Variants in KCNIP4 observed in about 807,000 individuals in gnomAD.
KCNIP4 encodes the protein potassium voltage-gated channel interacting protein 4.
KCNIP4 carries 12 observed loss-of-function variants against 34.0 expected under a neutral mutation model. That is an observed-to-expected ratio of 0.35 (90% confidence interval 0.23 to 0.57). KCNIP4 has a LOEUF of 0.57. KCNIP4 is among the 20% of genes least tolerant of loss of function. KCNIP4 has a pLI of 0.83. For missense variants in KCNIP4, 238 were observed against 311.7 expected, an observed-to-expected ratio of 0.76 and a Z score of 1.78; for synonymous variants, 124 against 102.2, an observed-to-expected ratio of 1.21 and a Z score of -1.29.
At chr4:21,894,563 T>C (rs975792) in intron 1 of KCNIP4, among the ~76,000 whole-genome samples, 50,218 of 152,030 alleles carry the variant, frequency 0.33, 10,158 homozygotes, top group East Asian at 0.61. Context: ...AGAGATAATA[T>C]GTCATTTTCC....
intron 3 of KCNIP4, among the ~76,000 whole-genome samples, chr4:20,800,876 T>G (rs886102256): frequency 6.6e-6 from 1 of 152,206 alleles, no homozygotes; most frequent in African/African-American, 2.4e-5. Context: ...TTTAATAAAA[T>G]AGTGGCTGAC....
chr4:21,700,366 C>T (rs4256212), intron 1 of KCNIP4, among the ~76,000 whole-genome samples: 93,036 of 152,002 alleles, frequency 0.61, 29,299 homozygotes, highest in African/African-American at 0.69. Flanking sequence ...CAGGAACTTG[C>T]GGGTCATTTG....
At chr4:20,989,870 G>A (rs2149704451) in intron 1 of KCNIP4, among the ~76,000 whole-genome samples, 1 of 152,280 alleles carries the variant, frequency 6.6e-6, no homozygotes, top group East Asian at 1.9e-4. Flanking sequence ...TTGGGGAGCT[G>A]AGGTGGGAGG....
intron 1 of KCNIP4, among the ~76,000 whole-genome samples, chr4:21,799,864 C>A (rs2109250684): frequency 6.6e-6 from 1 of 152,240 alleles, no homozygotes; most frequent in East Asian, 1.9e-4. Context: ...CTTTTTAGAA[C>A]AAACCACATC....
intron 1 of KCNIP4, among the ~76,000 whole-genome samples, chr4:21,319,796 G>T (rs1411140990): frequency 6.6e-6 from 1 of 152,090 alleles, no homozygotes; most frequent in Admixed American, 6.6e-5. Flanking sequence ...ATCCTTTAGG[G>T]TGTGTTTTTG....
At chr4:21,294,964 C>T (rs1440646723) in intron 1 of KCNIP4, among the ~76,000 whole-genome samples, 1 of 152,030 alleles carries the variant, frequency 6.6e-6, no homozygotes, top group Non-Finnish European at 1.5e-5. Context: ...ACCTTTTTAC[C>T]TCTACTGTCA....
At chr4:21,741,455 A>G (rs868577645) in intron 1 of KCNIP4, among the ~76,000 whole-genome samples, 2 of 152,106 alleles carry the variant, frequency 1.3e-5, no homozygotes, top group South Asian at 2.1e-4. Flanking sequence ...ATCTGCTTCT[A>G]TTCCCCAAGG....
chr4:21,103,795 T>A (rs905998645), intron 1 of KCNIP4, among the ~76,000 whole-genome samples: 5 of 137,936 alleles, frequency 3.6e-5, no homozygotes, highest in Non-Finnish European at 7.7e-5. Context: ...CCATGTGTTC[T>A]CATTGTTCAA....
chr4:21,934,481 A>G (rs1729739909), intron 1 of KCNIP4, among the ~76,000 whole-genome samples: 1 of 152,116 alleles, frequency 6.6e-6, no homozygotes, highest in African/African-American at 2.4e-5. Flanking sequence ...GTCACAATTA[A>G]AAATAAGATT....
At chr4:21,709,386 T>G (rs1713539218) in intron 1 of KCNIP4, among the ~76,000 whole-genome samples, 1 of 152,208 alleles carries the variant, frequency 6.6e-6, no homozygotes, top group African/African-American at 2.4e-5. Flanking sequence ...AAGGTCAATG[T>G]TGAAGGTCAC....
chr4:21,303,735 C>T (rs1712021740), intron 1 of KCNIP4: 6 of 1,245,322 alleles, frequency 4.8e-6, no homozygotes, highest in South Asian at 3.8e-5. Context: ...TCAGGTGCCT[C>T]TTACATTCAC....
intron 1 of KCNIP4, among the ~76,000 whole-genome samples, chr4:21,343,328 TA>T (rs1283596536): frequency 6.6e-6 from 1 of 151,716 alleles, no homozygotes; most frequent in East Asian, 1.9e-4. Flanking sequence ...AGATACTACT[TA>T]AAAAAGGAAA....
chr4:21,898,203 G>A (rs1269513720), intron 1 of KCNIP4, among the ~76,000 whole-genome samples: 1 of 152,102 alleles, frequency 6.6e-6, no homozygotes, highest in East Asian at 1.9e-4. Context: ...GGCGGTATAG[G>A]CCCCAGTTGC....
intron 1 of KCNIP4, among the ~76,000 whole-genome samples, chr4:21,859,023 A>G (rs1484235370): frequency 6.6e-6 from 1 of 152,232 alleles, no homozygotes; most frequent in Non-Finnish European, 1.5e-5. Flanking sequence ...CCAACCCTCA[A>G]AGCAAAATCA....
At chr4:21,398,419 AATGGT>A (rs1413855532) in intron 1 of KCNIP4, among the ~76,000 whole-genome samples, 2 of 152,206 alleles carry the variant, frequency 1.3e-5, no homozygotes, top group African/African-American at 4.8e-5. Flanking sequence ...ATGTCATTTT[AATGGT>A]ATGGTATGGT....
intron 1 of KCNIP4, among the ~76,000 whole-genome samples, chr4:21,469,061 T>C (rs1730236145): frequency 6.6e-6 from 1 of 152,068 alleles, no homozygotes; most frequent in Admixed American, 6.6e-5. Context: ...TTTATTTATT[T>C]ATGTTATTAT....
At chr4:21,636,147 G>A (rs1303777321) in intron 1 of KCNIP4, among the ~76,000 whole-genome samples, 2 of 121,134 alleles carry the variant, frequency 1.7e-5, no homozygotes, top group Non-Finnish European at 3.4e-5. Context: ...TGTGGGGTGG[G>A]GGGAGGGGGG....
At chr4:21,617,065 G>C (rs988405021) in intron 1 of KCNIP4, among the ~76,000 whole-genome samples, 18 of 152,160 alleles carry the variant, frequency 1.2e-4, no homozygotes, top group African/African-American at 4.3e-4. Context: ...TAGTACATCT[G>C]AGTGAATACA....
chr4:21,865,519 A>C (rs1725361932), intron 1 of KCNIP4, among the ~76,000 whole-genome samples: 1 of 150,758 alleles, frequency 6.6e-6, no homozygotes, highest in South Asian at 2.1e-4. Flanking sequence ...GACAAATGAG[A>C]CTCTTTTTTA....
Sources: allele counts gnomAD v4.1 joint callset (sites outside exome capture counted in the v4.1 genomes callset), GRCh38; gene constraint gnomAD v4.1.1; transcripts MANE v1.5; gene names NCBI Gene and HGNC (gene_info 2026-07-23, HGNC 2026-07-21).